STK24: variants seen among roughly 807,000 people sequenced by gnomAD.
STK24 encodes serine/threonine-protein kinase 24.
A neutral mutation model predicts 55.6 loss-of-function variants in STK24; 21 were observed. That is an observed-to-expected ratio of 0.38 (90% confidence interval 0.27 to 0.54). The LOEUF is 0.54. Among genes scored for constraint, STK24 ranks in the 20% least tolerant of loss-of-function variants. The pLI is 0.79. For synonymous variants in STK24, 200 were observed against 215.2 expected, an observed-to-expected ratio of 0.93 and a Z score of 0.62; for missense variants, 383 against 538.4, an observed-to-expected ratio of 0.71 and a Z score of 2.86.
At chr13:98,552,470 G>C (rs1371745648) in intron 1 of STK24, among the ~76,000 whole-genome samples, 1 of 152,146 alleles carries the variant, frequency 6.6e-6, no homozygotes, top group East Asian at 1.9e-4. Flanking sequence ...AACCCAGCTG[G>C]GAAAAGACTA....
At chr13:98,520,604 T>C (rs548981348) in intron 1 of STK24, among the ~76,000 whole-genome samples, 19 of 152,316 alleles carry the variant, frequency 1.2e-4, no homozygotes, top group African/African-American at 4.1e-4. Context: ...GAGTGGTGCA[T>C]GTGAGGTGGG....
chr13:98,534,801 C>T (rs1408396951), intron 1 of STK24, among the ~76,000 whole-genome samples: 1 of 152,240 alleles, frequency 6.6e-6, no homozygotes, highest in Non-Finnish European at 1.5e-5. Flanking sequence ...TCCCCACTTC[C>T]TGAACCCCTA....
chr13:98,459,550 G>A (rs1376393837), intron 9 of STK24, among the ~76,000 whole-genome samples: 1 of 152,258 alleles, frequency 6.6e-6, no homozygotes, highest in East Asian at 1.9e-4. Context: ...ATGGCCGGGG[G>A]TCCCCCGCTG....
Position 98,446,212 on chromosome 13 carries a change from G to C in STK24, c.*6961C>G, listed in dbSNP as rs199780284. 78 of 1,597,230 alleles carry C rather than the reference G, an allele frequency of 4.9e-5. No homozygotes were observed. In the East Asian group the frequency reaches 1.5e-3, roughly 32 times the overall value. On this transcript the variant is annotated 3_prime_UTR_variant, in exon 11 of 11. Transcript: ENST00000539966. Reference sequence around the variant, plus strand: ...CTTCTACAAATCACACCAGGTAAGTGTCTCGCACAGGGCAGGTGGCCCTGG... The same window carrying C: ...CTTCTACAAATCACACCAGGTAAGTCTCTCGCACAGGGCAGGTGGCCCTGG...
chr13:98,559,947 A>G (rs1207251676), intron 1 of STK24, among the ~76,000 whole-genome samples: 1 of 152,146 alleles, frequency 6.6e-6, no homozygotes, highest in Non-Finnish European at 1.5e-5. Flanking sequence ...CCAGGAGTTC[A>G]AGTCCAGACT....
intron 1 of STK24, chr13:98,521,750 G>C: frequency 1.3e-6 from 1 of 779,086 alleles, no homozygotes; most frequent in South Asian, 1.3e-5. Flanking sequence ...TACTATCCTC[G>C]CTGCTTTCAT....
At chr13:98,457,461 A>C (rs1009326009) in intron 9 of STK24, among the ~76,000 whole-genome samples, 157 bp from the exon 10 acceptor site, 1 of 140,788 alleles carries the variant, frequency 7.1e-6, no homozygotes, top group African/African-American at 2.6e-5. Flanking sequence ...GCCACTTCAA[A>C]TTGCTTTTTT....
chr13:98,503,310 A>G (rs1043576506), intron 2 of STK24, among the ~76,000 whole-genome samples: 1 of 152,206 alleles, frequency 6.6e-6, no homozygotes, highest in African/African-American at 2.4e-5. Context: ...AGCCATGCCA[A>G]CAGACCAGTT....
At chr13:98,466,249 G>A in intron 6 of STK24, 127 bp downstream of exon 6, 1 of 943,002 alleles carries the variant, frequency 1.1e-6, no homozygotes, top group Non-Finnish European at 1.5e-6. Flanking sequence ...TACTTACTTA[G>A]AAAAAGAAAA....
At chr13:98,454,902 G>GC (rs1468603378) in intron 10 of STK24, 1 of 152,292 alleles carries the variant, frequency 6.6e-6, no homozygotes, top group Non-Finnish European at 1.5e-5. Context: ...AGGAAAGAGA[G>GC]CACCAACTTG....
rs546782510 is a variant in STK24 at position 98,464,932 on chromosome 13, T to A, written c.784-1096A>T. Among the ~76,000 whole-genome samples, 4 of 152,340 alleles carry A rather than the reference T, an allele frequency of 2.6e-5. No homozygotes were observed. The South Asian group carries it at 8.3e-4, about 32-fold the overall frequency. ...CCTGTCTGCTGAAAGAGCAACTGGA[T>A]GCGCTTCACCACCAACTTTCCCGGT... On this transcript the variant is annotated intron_variant, in intron 6 of 10. Coordinates refer to ENST00000539966, the MANE Select transcript of STK24 (RefSeq NM_001032296.4).
At chr13:98,522,596 A>G (rs1896302715) in intron 1 of STK24, among the ~76,000 whole-genome samples, 2 of 152,264 alleles carry the variant, frequency 1.3e-5, no homozygotes, top group African/African-American at 4.8e-5. Context: ...TTCTACCCAG[A>G]CATCTCTAGC....
chr13:98,463,602 C>CAA, intron 7 of STK24, 89 bp downstream of exon 7: 1 of 1,417,812 alleles, frequency 7.1e-7, no homozygotes. Flanking sequence ...AAAAAAAACT[C>CAA]AACAGAAAAC....
intron 1 of STK24, among the ~76,000 whole-genome samples, chr13:98,545,739 A>C (rs1281721100): frequency 1.3e-5 from 2 of 152,178 alleles, no homozygotes; most frequent in African/African-American, 4.8e-5. Context: ...CATTACCCTA[A>C]ATCAATATGG....
At chr13:98,475,813 C>T (rs1214372515) in intron 3 of STK24, among the ~76,000 whole-genome samples, 1 of 152,352 alleles carries the variant, frequency 6.6e-6, no homozygotes, top group East Asian at 1.9e-4. Flanking sequence ...AGAGACAGAG[C>T]AGCCAGGATC....
chr13:98,497,562 C>T (rs1245706798), intron 2 of STK24, among the ~76,000 whole-genome samples: 2 of 152,200 alleles, frequency 1.3e-5, no homozygotes, highest in Non-Finnish European at 2.9e-5. Context: ...CTCAAATGAC[C>T]TGTCATGCTC....
intron 1 of STK24, among the ~76,000 whole-genome samples, chr13:98,563,993 A>G (rs1413995796): frequency 1.3e-5 from 2 of 152,226 alleles, no homozygotes; most frequent in African/African-American, 2.4e-5. Context: ...TGGTAAAATC[A>G]AAGTGTAACT....
rs1893153841 is a variant in STK24, at chr13:98,450,832, G to C, written c.*2341C>G. 1 of 152,248 alleles carries C rather than the reference G, an allele frequency of 6.6e-6. No homozygotes were observed. Among genetic ancestry groups the C allele is most frequent in the South Asian group, 2.1e-4 (1 of 4,832 alleles). The allele number at this position is 152,248 out of a possible 1,614,324, so 9.4% of individuals were successfully genotyped here. The stretch of plus-strand genomic sequence containing the variant: ...GGCGACACAAAAGCCAGCTTCCTTG[G>C]CTAAGATGCCCTTAAAAACATTGGG... On this transcript the variant is annotated 3_prime_UTR_variant, in exon 11 of 11. Transcript: ENST00000539966.
At chr13:98,542,598 T>A (rs1259493677) in intron 1 of STK24, among the ~76,000 whole-genome samples, 1 of 152,192 alleles carries the variant, frequency 6.6e-6, no homozygotes, top group Non-Finnish European at 1.5e-5. Context: ...AGAAACAGCC[T>A]ACAAGGTAGT....
Sources: gnomAD v4.1 joint callset for allele counts (sites outside exome capture counted in the v4.1 genomes callset) on GRCh38, gnomAD v4.1.1 for gene constraint, MANE v1.5 for transcripts, NCBI Gene and HGNC (gene_info 2026-07-23, HGNC 2026-07-21) for gene names.